CELF5: variants seen among roughly 807,000 people sequenced by gnomAD.
The protein encoded by CELF5 is CUG-BP and ETR-3 like factor 5.
In CELF5, 6 loss-of-function variants were observed where a neutral mutation model predicts 54.9. That is an observed-to-expected ratio of 0.11 (90% CI 0.06 to 0.22). CELF5 has a LOEUF of 0.22. CELF5 is among the 10% of genes least tolerant of loss of function. The pLI, the probability that CELF5 is intolerant of heterozygous loss-of-function variation, is 1.00. For missense variants in CELF5, 401 were observed against 678.6 expected, an observed-to-expected ratio of 0.59 and a Z score of 4.54; for synonymous variants, 271 against 290.9, an observed-to-expected ratio of 0.93 and a Z score of 0.70.
At chr19:3,276,619 G>T (rs1233767479) in intron 4 of CELF5, among the ~76,000 whole-genome samples, 1 of 151,096 alleles carries the variant, frequency 6.6e-6, no homozygotes, top group East Asian at 2.0e-4. Flanking sequence ...GACTGGTCCC[G>T]CTTGATCCTA....
chr19:3,275,492 C>T lies in CELF5; in HGVS notation c.395-364C>T, dbSNP rs1025359336. 4.6e-5 allele frequency among the ~76,000 whole-genome samples: 7 copies of T among 152,260 alleles called. No homozygotes were observed. The highest frequency in any genetic ancestry group is 1.7e-4 in the African/African-American group (7 of 41,466). On this transcript the variant is annotated intron_variant, in intron 3 of 12. Coordinates refer to ENST00000292672, the MANE Select transcript of CELF5 (RefSeq NM_021938.4). The surrounding 1 kb of genome is among the most constrained non-coding windows in gnomAD (Gnocchi z 6.7). ...CAGGGACCCAGGCCCGGCGAGGCAG[C>T]TCCTAGCCCTAGTACTCGGTGCGGG...
chr19:3,241,935 C>T (rs1381744548), intron 1 of CELF5, among the ~76,000 whole-genome samples: 1 of 152,098 alleles, frequency 6.6e-6, no homozygotes, highest in Non-Finnish European at 1.5e-5. Flanking sequence ...CCGCCACGCC[C>T]AGCTAATTTT....
chr19:3,274,014 G>C, intron 3 of CELF5, 91 bp downstream of exon 3: 1 of 1,337,372 alleles, frequency 7.5e-7, no homozygotes, highest in East Asian at 2.3e-5. Context: ...CTGCAAAAGG[G>C]GCAGTGGCCG....
At chr19:3,249,427 C>G (rs960351260) in intron 1 of CELF5, among the ~76,000 whole-genome samples, 1 of 152,212 alleles carries the variant, frequency 6.6e-6, no homozygotes, top group African/African-American at 2.4e-5. Flanking sequence ...GTCAACGTCT[C>G]TGGTCTCCCA....
intron 2 of CELF5, among the ~76,000 whole-genome samples, chr19:3,255,953 T>G (rs1176193777): frequency 6.6e-6 from 1 of 151,606 alleles, no homozygotes; most frequent in Non-Finnish European, 1.5e-5. Context: ...TAATCCCAGC[T>G]ACTCGGGAGG....
intron 2 of CELF5, among the ~76,000 whole-genome samples, chr19:3,267,086 T>C (rs1302024274): frequency 7.3e-6 from 1 of 136,342 alleles, no homozygotes; most frequent in East Asian, 3.8e-4. Flanking sequence ...TGTGCGTGTG[T>C]GCATGTGTGT....
In CELF5 at chr19:3,228,526, GC is replaced by G. The variant is rs551364394; in HGVS notation, c.259+3534del. ...GGTACTGGTCCGCCGCTGCCACTGGGCCCCCCGTTTATGGTAATCGCATATA... is the reference window on the plus strand; with the variant it reads ...GGTACTGGTCCGCCGCTGCCACTGGGCCCCCGTTTATGGTAATCGCATATA... On this transcript the variant is annotated intron_variant, in intron 1 of 12. Coordinates refer to ENST00000292672, the MANE Select transcript of CELF5 (RefSeq NM_021938.4). The surrounding 1 kb of genome is among the most constrained non-coding windows in gnomAD (Gnocchi z 6.0). Among the ~76,000 whole-genome samples, 304 of 152,104 alleles carry G rather than the reference GC, an allele frequency of 2.0e-3. No homozygotes were observed. The highest frequency in any genetic ancestry group is 3.7e-3 in the Admixed American group (57 of 15,284).
At chr19:3,265,345 G>C (rs1444140740) in intron 2 of CELF5, among the ~76,000 whole-genome samples, 1 of 152,142 alleles carries the variant, frequency 6.6e-6, no homozygotes, top group African/African-American at 2.4e-5. Flanking sequence ...ACCTGGGAAA[G>C]AATTCAAGGG....
At chr19:3,233,896 G>A (rs374948184) in intron 1 of CELF5, among the ~76,000 whole-genome samples, 16 of 152,356 alleles carry the variant, frequency 1.1e-4, no homozygotes, top group African/African-American at 3.6e-4. Flanking sequence ...GCCCTAGAAT[G>A]TGTCAGGAAG....
At chr19:3,249,502 T>G (rs557612367) in intron 1 of CELF5, among the ~76,000 whole-genome samples, 2 of 150,812 alleles carry the variant, frequency 1.3e-5, no homozygotes, top group Non-Finnish European at 3.0e-5. Flanking sequence ...GCCCCTCGCT[T>G]CCCACCCTCC....
intron 1 of CELF5, among the ~76,000 whole-genome samples, chr19:3,248,919 TTTC>T (rs371248519): frequency 6.8e-4 from 83 of 121,876 alleles, no homozygotes; most frequent in African/African-American, 2.1e-3. Flanking sequence ...TCTTTCTTTC[TTTC>T]TTTCTTTTCT....
At chr19:3,291,571 C>CAAAAA (rs34331089) in intron 11 of CELF5, among the ~76,000 whole-genome samples, 45 of 85,150 alleles carry the variant, frequency 5.3e-4, no homozygotes, top group Non-Finnish European at 8.3e-4. Flanking sequence ...GACTCCGACT[C>CAAAAA]AAAAAAAAAA....
rs534067312 is a variant in CELF5 at position 3,273,817 on chromosome 19, G to T, written c.343-55G>T. 4 of 874,450 alleles carry T rather than the reference G, an allele frequency of 4.6e-6. No homozygotes were observed. The East Asian group carries it at 8.7e-5, about 19-fold the overall frequency. 54.2% of individuals were successfully genotyped at this position (874,450 alleles called of 1,614,324 possible). A position where few individuals can be genotyped will look rare whatever the true frequency, so the allele number is the denominator to read the frequency against. On this transcript the variant is annotated intron_variant, in intron 2 of 12. Transcript: ENST00000292672. ...CTGCAGAGCTCAGGCAAAACCCCCC[G>T]CCTGCCACACCCCCACTGCTAAGCT... is the stretch of plus-strand genomic sequence containing the variant.
At chr19:3,257,074 G>A (rs147952070) in intron 2 of CELF5, among the ~76,000 whole-genome samples, 1 of 152,306 alleles carries the variant, frequency 6.6e-6, no homozygotes, top group African/African-American at 2.4e-5. Flanking sequence ...CTCCCAAAGT[G>A]CTGGGATTAC....
intron 1 of CELF5, among the ~76,000 whole-genome samples, chr19:3,244,877 ATG>A (rs2079542636): frequency 8.7e-6 from 1 of 114,432 alleles, no homozygotes; most frequent in African/African-American, 3.5e-5. Context: ...TGGTGTGTGT[ATG>A]TGTCTTGTCT....
intron 2 of CELF5, among the ~76,000 whole-genome samples, chr19:3,263,924 A>G (rs2079844370): frequency 6.6e-6 from 1 of 152,186 alleles, no homozygotes; most frequent in African/African-American, 2.4e-5. Flanking sequence ...TAAATAAATA[A>G]TAAATAAGTA....
rs1189896122 is a variant in CELF5, at chr19:3,282,811, G to A, written c.1039+313G>A. ...GGCAGATAACATCAGTAGCCTCAGAGGGTTGCATTGACAATTTAATCTGTG... is the reference window on the plus strand; with the variant it reads ...GGCAGATAACATCAGTAGCCTCAGAAGGTTGCATTGACAATTTAATCTGTG... On this transcript the variant is annotated intron_variant, in intron 8 of 12. Coordinates refer to ENST00000292672, the MANE Select transcript of CELF5 (RefSeq NM_021938.4). This position sits in a 1 kb window ranked among gnomAD's most constrained non-coding sequence, Gnocchi z 5.2. 6.6e-6 allele frequency among the ~76,000 whole-genome samples: 1 copy of A among 152,184 alleles called. No individual in the cohort carries two copies. Among genetic ancestry groups the A allele is most frequent in the African/African-American group, 2.4e-5 (1 of 41,450 alleles).
At chr19:3,257,983 A>G (rs534611879) in intron 2 of CELF5, among the ~76,000 whole-genome samples, 12 of 148,336 alleles carry the variant, frequency 8.1e-5, no homozygotes, top group South Asian at 2.1e-4. Context: ...TTTTTTTGAC[A>G]GAGTTTTGCT....
intron 2 of CELF5, among the ~76,000 whole-genome samples, chr19:3,257,343 G>A (rs1365958015): frequency 6.6e-6 from 1 of 152,162 alleles, no homozygotes; most frequent in East Asian, 1.9e-4. Context: ...AGGAGAGGGG[G>A]AAGAGGAAGC....
Sources: allele counts gnomAD v4.1 joint callset (sites outside exome capture counted in the v4.1 genomes callset), GRCh38; gene constraint gnomAD v4.1.1; non-coding constraint Gnocchi (gnomAD v3.1); transcripts MANE v1.5; gene names NCBI Gene and HGNC (gene_info 2026-07-23, HGNC 2026-07-21).